BLACAT1: variants seen among roughly 807,000 people sequenced by gnomAD.
BLACAT1 encodes the protein BLACAT1 overlapping LEMD1 locus.
Position 205,440,439 on chromosome 1 carries a change from A to C in BLACAT1, c.*486T>G, listed in dbSNP as rs370138160. On this transcript the variant is annotated 3_prime_UTR_variant, in exon 2 of 2. Transcript: ENST00000629624. ...TTCTTGCCCCAGGTCCTGGAATCCC[A>C]GGAGAGTCTCACACTTCCGCCCTGG... Among the ~76,000 whole-genome samples, 4 of 152,286 alleles carry C rather than the reference A, an allele frequency of 2.6e-5. No individual in the cohort carries two copies. In the East Asian group the frequency reaches 7.7e-4, roughly 29 times the overall value.
chr1:205,443,465 G>T (rs1469937598), intron 1 of BLACAT1, among the ~76,000 whole-genome samples: 2 of 152,112 alleles, frequency 1.3e-5, no homozygotes, highest in Admixed American at 6.5e-5. Context: ...GGGGAGTGAG[G>T]TCACAGGAAC....
chr1:205,436,059 CAG>C (rs1666198980), downstream of BLACAT1: 1 of 152,278 alleles, frequency 6.6e-6, no homozygotes, highest in Non-Finnish European at 1.5e-5. Flanking sequence ...GCCATGGCAA[CAG>C]AGGCTGGGAG....
chr1:205,437,026 G>C (rs896474232), downstream of BLACAT1: 3 of 152,804 alleles, frequency 2.0e-5, no homozygotes, highest in East Asian at 1.9e-4. Context: ...CAGAACACTG[G>C]GGGGCTGTGG....
intron 1 of BLACAT1, among the ~76,000 whole-genome samples, chr1:205,446,823 C>G (rs1022045749): frequency 6.6e-6 from 1 of 152,176 alleles, no homozygotes; most frequent in Non-Finnish European, 1.5e-5. Context: ...ATGCCTTGTT[C>G]CTTTCACCAT....
At chr1:205,438,180 G>C (rs561170719), downstream of BLACAT1, among the ~76,000 whole-genome samples, 1 of 152,222 alleles carries the variant, frequency 6.6e-6, no homozygotes, top group Non-Finnish European at 1.5e-5. Context: ...GCCATGGGAA[G>C]TCCTCGCTTT....
rs1007595194 is a variant in BLACAT1 at position 205,448,398 on chromosome 1, G to A, written c.-36-7336C>T. ...GAAAAGCCATAGGCCACAGCAGAGTGGAGGGGTCCAGCGGCAGGAATCTCA... is the reference window on the plus strand; with the variant it reads ...GAAAAGCCATAGGCCACAGCAGAGTAGAGGGGTCCAGCGGCAGGAATCTCA... On this transcript the variant is annotated intron_variant, in intron 1 of 1. Transcript: ENST00000629624. This position sits in a 1 kb window ranked among gnomAD's most constrained non-coding sequence, Gnocchi z 4.7. 2 of 534,340 alleles carry A rather than the reference G, an allele frequency of 3.7e-6. No homozygotes were observed. Among genetic ancestry groups the A allele is most frequent in the Non-Finnish European group, 3.8e-6 (1 of 259,958 alleles). The allele number at this position is 534,340 out of a possible 1,614,324, so 33.1% of individuals were successfully genotyped here.
At chr1:205,435,537 G>T (rs189496713), downstream of BLACAT1, 1 of 152,246 alleles carries the variant, frequency 6.6e-6, no homozygotes, top group East Asian at 1.9e-4. Flanking sequence ...TTTGGTGGAG[G>T]GACAGAAGAA....
intron 1 of BLACAT1, among the ~76,000 whole-genome samples, chr1:205,452,983 C>A (rs551989097): frequency 3.3e-5 from 5 of 152,208 alleles, no homozygotes; most frequent in Admixed American, 2.0e-4. Flanking sequence ...GCTTGGAGCT[C>A]CCTTATGCCT....
rs767320378 is a variant in BLACAT1 at position 205,448,323 on chromosome 1, C to T, written c.-36-7261G>A. ...AGAAGGAGCTCGCCCCTCACTGTAGCCCATGGCTTTTAGCCCTACATGAGT... is the reference window on the plus strand; with the variant it reads ...AGAAGGAGCTCGCCCCTCACTGTAGTCCATGGCTTTTAGCCCTACATGAGT... On this transcript the variant is annotated intron_variant, in intron 1 of 1. Coordinates refer to ENST00000629624, the Ensembl canonical transcript of BLACAT1. The surrounding 1 kb of genome is among the most constrained non-coding windows in gnomAD (Gnocchi z 4.7). The T allele has an allele frequency of 1.9e-6, 1 of 533,606 alleles. No individual in the cohort carries two copies. Among genetic ancestry groups the T allele is most frequent in the South Asian group, 1.4e-5 (1 of 71,554 alleles). The allele number at this position is 533,606 out of a possible 1,614,324, so 33.1% of individuals were successfully genotyped here.
At chr1:205,451,571 T>G (rs1575014332) in intron 1 of BLACAT1, among the ~76,000 whole-genome samples, 1 of 147,750 alleles carries the variant, frequency 6.8e-6, no homozygotes, top group African/African-American at 2.5e-5. Flanking sequence ...GTCGGGGGGG[T>G]AACCAAGAGG....
intron 1 of BLACAT1, among the ~76,000 whole-genome samples, chr1:205,447,282 T>C (rs1666408608): frequency 1.3e-5 from 2 of 152,140 alleles, no homozygotes. Context: ...AGGACTGTCT[T>C]GAGGATGAAA....
rs551114140 is a variant in BLACAT1 at position 205,441,380 on chromosome 1, T to C, written c.-36-318A>G. Among the ~76,000 whole-genome samples the C allele has an allele frequency of 5.3e-4, 81 of 152,222 alleles. No individual in the cohort carries two copies. The highest frequency in any genetic ancestry group is 1.9e-3 in the African/African-American group (80 of 41,536). On this transcript the variant is annotated intron_variant, in intron 1 of 1. Coordinates refer to ENST00000629624, the Ensembl canonical transcript of BLACAT1. This position sits in a 1 kb window ranked among gnomAD's most constrained non-coding sequence, Gnocchi z 4.3. ...CTCCCACCCGCTCTGCCCCACCTCA[T>C]CACCATATACCTGTGGTTGGGGAAC...
intron 1 of BLACAT1, among the ~76,000 whole-genome samples, chr1:205,447,873 G>A (rs548807617): frequency 6.6e-6 from 1 of 152,296 alleles, no homozygotes; most frequent in Admixed American, 6.5e-5. Flanking sequence ...ACAGAAAAAA[G>A]GCTGCAGATT....
rs546267592 is a variant in BLACAT1 at position 205,441,407 on chromosome 1, G to A, written c.-36-345C>T. On this transcript the variant is annotated intron_variant, in intron 1 of 1. Transcript: ENST00000629624. This position sits in a 1 kb window ranked among gnomAD's most constrained non-coding sequence, Gnocchi z 4.3. Reference sequence around the variant, plus strand: ...ACCATATACCTGTGGTTGGGGAACAGGAAGCAAGCTGGCTTAAAATAGCCT... The same window carrying A: ...ACCATATACCTGTGGTTGGGGAACAAGAAGCAAGCTGGCTTAAAATAGCCT... Among the ~76,000 whole-genome samples the A allele has an allele frequency of 1.1e-4, 17 of 152,240 alleles. No homozygotes were observed. The highest frequency in any genetic ancestry group is 3.9e-4 in the African/African-American group (16 of 41,534).
intron 1 of BLACAT1, among the ~76,000 whole-genome samples, chr1:205,454,599 T>C (rs1177336767): frequency 1.3e-5 from 2 of 151,708 alleles, no homozygotes; most frequent in East Asian, 3.9e-4. Flanking sequence ...GCAGCCCCAG[T>C]GGAGCAATGG....
At chr1:205,437,074 C>T (rs3738745), downstream of BLACAT1, 4,239 of 152,664 alleles carry the variant, frequency 0.028, 101 homozygotes, top group East Asian at 0.071. Context: ...CATTCCACCA[C>T]CAGCACATCT....
chr1:205,446,475 T>A (rs548309060), intron 1 of BLACAT1, among the ~76,000 whole-genome samples: 1 of 152,244 alleles, frequency 6.6e-6, no homozygotes, highest in Admixed American at 6.5e-5. Context: ...TTTACAGAGG[T>A]ATAATCTCTG....
chr1:205,436,002 GTTAGAGC>G (rs1157303227), downstream of BLACAT1: 1 of 152,280 alleles, frequency 6.6e-6, no homozygotes, highest in Non-Finnish European at 1.5e-5. Flanking sequence ...AACAGAGAAA[GTTAGAGC>G]TTTGAGCATC....
Position 205,441,346 on chromosome 1 carries a change from T to C in BLACAT1, c.-36-284A>G, listed in dbSNP as rs1666291778. ...AAGAGAATGCCCAGCTGCTGCCTCC[T>C]TTTTTCCCCTCCCACCCGCTCTGCC... On this transcript the variant is annotated intron_variant, in intron 1 of 1. Coordinates refer to ENST00000629624, the Ensembl canonical transcript of BLACAT1. The surrounding 1 kb of genome is among the most constrained non-coding windows in gnomAD (Gnocchi z 4.3). Among the ~76,000 whole-genome samples the C allele has an allele frequency of 6.6e-6, 1 of 152,088 alleles. No homozygotes were observed. Among genetic ancestry groups the C allele is most frequent in the Non-Finnish European group, 1.5e-5 (1 of 67,998 alleles).
Sources: allele counts gnomAD v4.1 joint callset (sites outside exome capture counted in the v4.1 genomes callset), GRCh38; gene constraint gnomAD v4.1.1; non-coding constraint Gnocchi (gnomAD v3.1); transcripts MANE v1.5; gene names NCBI Gene and HGNC (gene_info 2026-07-23, HGNC 2026-07-21).